Variants in NRG3 observed in about 807,000 individuals in gnomAD.
NRG3 encodes neuregulin 3.
NRG3 carries 31 observed loss-of-function variants against 66.9 expected under a neutral mutation model. The ratio of observed to expected loss-of-function variants is 0.46; its 90% CI spans 0.35 to 0.63. NRG3 has a LOEUF of 0.63. NRG3 is among the 20% of genes least tolerant of loss of function. NRG3 has a pLI of 0.00. For missense variants in NRG3, 910 were observed against 878.9 expected (o/e 1.04, Z -0.45); for synonymous variants, 393 against 359.4 (o/e 1.09, Z -1.06).
intron 1 of NRG3, among the ~76,000 whole-genome samples, chr10:82,214,957 C>G (rs2434067): frequency 0.054 from 8,267 of 152,198 alleles, 278 homozygotes; most frequent in Middle Eastern, 0.13. Flanking sequence ...AAAGTTTGTG[C>G]AGTCTTGATC....
chr10:82,409,066 G>A (rs1342954267), intron 2 of NRG3, among the ~76,000 whole-genome samples: 1 of 152,118 alleles, frequency 6.6e-6, no homozygotes, highest in Non-Finnish European at 1.5e-5. Flanking sequence ...ATTTTAAGAA[G>A]TTTAGGCCTT....
At chr10:82,047,724 T>C (rs1014697336) in intron 1 of NRG3, among the ~76,000 whole-genome samples, 3 of 151,036 alleles carry the variant, frequency 2.0e-5, no homozygotes, top group Admixed American at 6.6e-5. Flanking sequence ...AACATCATAA[T>C]GACAGGTTCA....
At chr10:82,454,503 A>G (rs1407923814) in intron 2 of NRG3, among the ~76,000 whole-genome samples, 2 of 152,214 alleles carry the variant, frequency 1.3e-5, no homozygotes, top group Admixed American at 6.5e-5. Flanking sequence ...AGGAGACAAA[A>G]CAAAAAGCCC....
chr10:81,887,303 G>T (rs115379305), intron 1 of NRG3, among the ~76,000 whole-genome samples: 3,853 of 152,146 alleles, frequency 0.025, 98 homozygotes, highest in African/African-American at 0.058. Context: ...CTTTATAAGG[G>T]TATAGAAGAT....
At chr10:82,337,539 T>C (rs2135349910) in intron 1 of NRG3, among the ~76,000 whole-genome samples, 1 of 152,348 alleles carries the variant, frequency 6.6e-6, no homozygotes, top group East Asian at 1.9e-4. Flanking sequence ...ATATGGTAAC[T>C]CTAACATCTT....
At chr10:82,448,728 A>G (rs2090869498) in intron 2 of NRG3, among the ~76,000 whole-genome samples, 2 of 152,082 alleles carry the variant, frequency 1.3e-5, no homozygotes, top group African/African-American at 2.4e-5. Context: ...TTTTTGTTCA[A>G]CTTTTATTGC....
At chr10:82,387,781 AATAAG>A (rs1194737007) in intron 2 of NRG3, among the ~76,000 whole-genome samples, 3 of 152,346 alleles carry the variant, frequency 2.0e-5, no homozygotes, top group South Asian at 4.1e-4. Flanking sequence ...ATTAAATCAA[AATAAG>A]ATAAGGGGAT....
chr10:82,227,634 C>G (rs1226382398), intron 1 of NRG3, among the ~76,000 whole-genome samples: 1 of 151,924 alleles, frequency 6.6e-6, no homozygotes, highest in Non-Finnish European at 1.5e-5. Context: ...TTGACAAACT[C>G]TGGGAATGAT....
intron 1 of NRG3, among the ~76,000 whole-genome samples, chr10:82,197,868 T>C (rs887608026): frequency 6.6e-6 from 1 of 152,314 alleles, no homozygotes; most frequent in East Asian, 1.9e-4. Flanking sequence ...TGTTAATTAT[T>C]GTAAACCAAA....
intron 2 of NRG3, among the ~76,000 whole-genome samples, chr10:82,632,269 G>C (rs1287940819): frequency 6.6e-6 from 1 of 151,956 alleles, no homozygotes; most frequent in East Asian, 1.9e-4. Flanking sequence ...TGGGCATATC[G>C]TATACTCTGG....
Position 82,351,992 on chromosome 10 carries a change from A to G in NRG3, c.824-6747A>G, listed in dbSNP as rs1419003143. ...AATGTACTCCTGCTTTTCTTAGCCTATAGAGTAGTTCAAACTCCCAGGGAG... is the reference window on the plus strand; with the variant it reads ...AATGTACTCCTGCTTTTCTTAGCCTGTAGAGTAGTTCAAACTCCCAGGGAG... On this transcript the variant is annotated intron_variant, in intron 1 of 8. Transcript: ENST00000372141. 2.6e-5 allele frequency among the ~76,000 whole-genome samples: 4 copies of G among 152,218 alleles called. No individual in the cohort carries two copies. The South Asian group carries it at 6.2e-4, about 24-fold the overall frequency.
chr10:82,494,373 C>T (rs1489045218), intron 2 of NRG3, among the ~76,000 whole-genome samples: 1 of 152,052 alleles, frequency 6.6e-6, no homozygotes, highest in Non-Finnish European at 1.5e-5. Context: ...AATACGATCT[C>T]CTTTTGCAAA....
intron 2 of NRG3, among the ~76,000 whole-genome samples, chr10:82,404,330 C>T (rs977166782): frequency 6.6e-6 from 1 of 152,194 alleles, no homozygotes; most frequent in South Asian, 2.1e-4. Context: ...TAGTAAGAAG[C>T]CTGGGTAGGA....
intron 2 of NRG3, among the ~76,000 whole-genome samples, chr10:82,618,939 T>A (rs1435372201): frequency 6.6e-6 from 1 of 151,944 alleles, no homozygotes; most frequent in Non-Finnish European, 1.5e-5. Flanking sequence ...GATTTTTTTT[T>A]TTATTTAATT....
chr10:82,780,531 A>G (rs1160113097), intron 3 of NRG3, among the ~76,000 whole-genome samples: 3 of 83,350 alleles, frequency 3.6e-5, no homozygotes, highest in Non-Finnish European at 6.8e-5. Flanking sequence ...GTCTCTTGCT[A>G]TGACAAGAGC....
chr10:82,249,078 G>A (rs914821498), intron 1 of NRG3, among the ~76,000 whole-genome samples: 6 of 152,174 alleles, frequency 3.9e-5, no homozygotes, highest in Admixed American at 3.3e-4. Flanking sequence ...TCAAGCATAA[G>A]TCTGTCCTCT....
intron 3 of NRG3, among the ~76,000 whole-genome samples, chr10:82,864,683 A>ATGT (rs1394853865): frequency 1.4e-4 from 22 of 152,320 alleles, no homozygotes; most frequent in African/African-American, 5.3e-4. Flanking sequence ...GATCAGGCAG[A>ATGT]TGTTAGCTGG....
chr10:82,640,938 G>A (rs2133810043), intron 2 of NRG3, among the ~76,000 whole-genome samples: 1 of 151,324 alleles, frequency 6.6e-6, no homozygotes, highest in African/African-American at 2.4e-5. Context: ...AGGAATTGTT[G>A]CAGTAATTTT....
At chr10:82,657,751 G>A (rs1239170070) in intron 2 of NRG3, among the ~76,000 whole-genome samples, 2 of 151,930 alleles carry the variant, frequency 1.3e-5, no homozygotes, top group Non-Finnish European at 2.9e-5. Flanking sequence ...TATGAAAAAC[G>A]TTATGTCAAA....
Sources: allele counts gnomAD v4.1 joint callset (sites outside exome capture counted in the v4.1 genomes callset), GRCh38; gene constraint gnomAD v4.1.1; transcripts MANE v1.5; gene names NCBI Gene and HGNC (gene_info 2026-07-23, HGNC 2026-07-21).